Variants in SNCAIP observed in about 807,000 individuals in gnomAD.
SNCAIP encodes synuclein alpha interacting protein.
A neutral mutation model predicts 86.7 loss-of-function variants in SNCAIP; 43 were observed. That is an observed-to-expected ratio of 0.50 (90% CI 0.39 to 0.64). The LOEUF is 0.64. Among genes scored for constraint, SNCAIP ranks in the 30% least tolerant of loss-of-function variants. The pLI, the probability that SNCAIP is intolerant of heterozygous loss-of-function variation, is 0.00. For synonymous variants in SNCAIP, 417 were observed against 427.2 expected (o/e 0.98, Z 0.29); for missense variants, 981 against 1,103.1 (o/e 0.89, Z 1.57).
intron 1 of SNCAIP, among the ~76,000 whole-genome samples, chr5:122,354,921 A>G (rs552537231): frequency 1.3e-3 from 198 of 152,370 alleles, no homozygotes; most frequent in African/African-American, 4.4e-3. Flanking sequence ...GACTAATTAA[A>G]GAAAATATGT....
At chr5:122,344,072 T>G (rs940582084) in intron 1 of SNCAIP, among the ~76,000 whole-genome samples, 6 of 152,218 alleles carry the variant, frequency 3.9e-5, no homozygotes, top group Non-Finnish European at 7.3e-5. Flanking sequence ...TCTCACTTAC[T>G]TTACTCAATT....
At chr5:122,454,550 C>G (rs568166478) in intron 10 of SNCAIP, 2 of 152,746 alleles carry the variant, frequency 1.3e-5, no homozygotes, top group South Asian at 4.1e-4. Flanking sequence ...TACTCATTCC[C>G]CTCCTAGACC....
At chr5:122,444,442 G>C (rs1561787099) in intron 7 of SNCAIP, 121 bp from the exon 8 acceptor site, 1 of 857,508 alleles carries the variant, frequency 1.2e-6, no homozygotes, top group East Asian at 2.4e-5. Flanking sequence ...GGAGGTGTGT[G>C]ATATTGACTG....
At chr5:122,444,515 A>G in intron 7 of SNCAIP, 48 bp from the exon 8 acceptor site, 1 of 1,539,366 alleles carries the variant, frequency 6.5e-7, no homozygotes, top group Non-Finnish European at 9.0e-7. Context: ...ATTAAAAAAT[A>G]ATGTGTACAG....
chr5:122,334,022 A>C (rs1425986912), intron 1 of SNCAIP, among the ~76,000 whole-genome samples: 1 of 152,212 alleles, frequency 6.6e-6, no homozygotes, highest in Non-Finnish European at 1.5e-5. Context: ...TTTTGTGAAG[A>C]AGAGAGAGGT....
chr5:122,394,088 C>CTT lies in SNCAIP; in HGVS notation c.57+2908_57+2909dup, dbSNP rs112838168. ...TAGTTTCCCATGAACATGCAATTTTCTTTTTTTTTTTTGATACCAGAAACC... is the reference window on the plus strand; with the variant it reads ...TAGTTTCCCATGAACATGCAATTTTCTTTTTTTTTTTTTTGATACCAGAAACC... On this transcript the variant is annotated intron_variant, in intron 2 of 10. Transcript: ENST00000261368. 1.0e-3 allele frequency among the ~76,000 whole-genome samples: 148 copies of CTT among 146,122 alleles called. 1 individual carries two copies. Among genetic ancestry groups the CTT allele is most frequent in the Middle Eastern group, 3.6e-3 (1 of 280 alleles).
intron 1 of SNCAIP, 35 bp from the exon 2 acceptor site, chr5:122,391,054 T>A: frequency 8.5e-7 from 1 of 1,175,816 alleles, no homozygotes; most frequent in Non-Finnish European, 1.3e-6. Flanking sequence ...CGGCTAAATT[T>A]TTTTGCCTTT....
intron 1 of SNCAIP, among the ~76,000 whole-genome samples, chr5:122,338,961 G>T (rs181480847): frequency 6.6e-6 from 1 of 152,094 alleles, no homozygotes; most frequent in Non-Finnish European, 1.5e-5. Context: ...ATAATGGGGG[G>T]TAGGGCAAGA....
At chr5:122,346,607 A>G (rs979756778) in intron 1 of SNCAIP, among the ~76,000 whole-genome samples, 3 of 152,084 alleles carry the variant, frequency 2.0e-5, no homozygotes, top group African/African-American at 7.2e-5. Flanking sequence ...GATCCTGTCT[A>G]TTGCAAAGAA....
At chr5:122,338,315 T>A (rs1285676022) in intron 1 of SNCAIP, among the ~76,000 whole-genome samples, 1 of 152,214 alleles carries the variant, frequency 6.6e-6, no homozygotes, top group Non-Finnish European at 1.5e-5. Context: ...TAGATATATG[T>A]AGATAAAGGA....
chr5:122,459,984 A>G (rs1785747690), intron 10 of SNCAIP, among the ~76,000 whole-genome samples: 3 of 152,182 alleles, frequency 2.0e-5, no homozygotes, highest in African/African-American at 7.2e-5. Flanking sequence ...CCTGTTATCT[A>G]CTGGCATTCT....
intron 1 of SNCAIP, among the ~76,000 whole-genome samples, chr5:122,351,704 A>G (rs559246429): frequency 1.3e-5 from 2 of 152,250 alleles, no homozygotes; most frequent in Non-Finnish European, 2.9e-5. Context: ...GCAGCATGCA[A>G]CATCTTCTGT....
chr5:122,440,080 C>T (rs1043054915), intron 6 of SNCAIP, among the ~76,000 whole-genome samples: 7 of 152,196 alleles, frequency 4.6e-5, no homozygotes, highest in African/African-American at 1.7e-4. Flanking sequence ...ACTTATCTTA[C>T]ACTTGGCAAC....
chr5:122,391,305 T>C (rs1430775295), intron 2 of SNCAIP, 114 bp downstream of exon 2: 2 of 814,372 alleles, frequency 2.5e-6, no homozygotes, highest in African/African-American at 3.4e-5. Context: ...CATTTAGAAA[T>C]TCACAGCAGA....
chr5:122,403,980 G>C lies in SNCAIP; in HGVS notation c.130+115G>C, dbSNP rs981629384. 48 of 771,880 alleles carry C rather than the reference G, an allele frequency of 6.2e-5. No individual in the cohort carries two copies. In the South Asian group the frequency reaches 6.9e-4, roughly 11 times the overall value. The allele number at this position is 771,880 out of a possible 1,614,324, so 47.8% of individuals were successfully genotyped here. On this transcript the variant is annotated intron_variant, in intron 3 of 10. Transcript: ENST00000261368. ...CTTTCAGTTTTCTTTTCTCTTTACG[G>C]CTTCTCCACTCACACCACCCCCCAC... is the stretch of plus-strand genomic sequence containing the variant.
chr5:122,403,728 C>A, intron 2 of SNCAIP, 65 bp from the exon 3 acceptor site: 1 of 1,287,320 alleles, frequency 7.8e-7, no homozygotes, highest in Non-Finnish European at 1.1e-6. Flanking sequence ...TTTTTCTGGC[C>A]AATCTGAGTG....
chr5:122,392,874 A>G (rs1452303190), intron 2 of SNCAIP, among the ~76,000 whole-genome samples: 1 of 152,204 alleles, frequency 6.6e-6, no homozygotes. Context: ...TATTTATATG[A>G]CCAATGGTGA....
intron 7 of SNCAIP, 191 bp from the exon 8 acceptor site, chr5:122,444,372 C>T (rs1009859398): frequency 4.7e-6 from 3 of 644,452 alleles, no homozygotes; most frequent in African/African-American, 3.6e-5. Context: ...CTTATGTGGG[C>T]TGCAGATGAG....
intron 5 of SNCAIP, among the ~76,000 whole-genome samples, chr5:122,425,874 C>T (rs557576921): frequency 4.6e-5 from 7 of 152,238 alleles, no homozygotes; most frequent in African/African-American, 9.6e-5. Context: ...ATGAGCAAGA[C>T]GAATGTGGGG....
Sources: gnomAD v4.1 joint callset for allele counts (sites outside exome capture counted in the v4.1 genomes callset) on GRCh38, gnomAD v4.1.1 for gene constraint, MANE v1.5 for transcripts, NCBI Gene and HGNC (gene_info 2026-07-23, HGNC 2026-07-21) for gene names.